Variants in TET3 observed in about 807,000 individuals in gnomAD.
The protein encoded by TET3 is tet methylcytosine dioxygenase 3, also known as methylcytosine dioxygenase TET3.
In TET3, 19 loss-of-function variants were observed where a neutral mutation model predicts 141.4. The observed-to-expected ratio is 0.13, with a 90% confidence interval of 0.09 to 0.20. The LOEUF is 0.20. TET3 is among the 10% of genes least tolerant of loss of function. TET3 has a pLI of 1.00. For missense variants in TET3, 1,874 were observed against 2,356.9 expected (o/e 0.80, Z 4.24); for synonymous variants, 1,043 against 980.9 (o/e 1.06, Z -1.18).
chr2:74,003,043 A>G (rs1684947264), intron 2 of TET3, 67 bp from the exon 3 acceptor site: 8 of 1,527,978 alleles, frequency 5.2e-6, no homozygotes, highest in Non-Finnish European at 7.1e-6. Flanking sequence ...TGGGGGCTGT[A>G]GCAGGAGGAC....
chr2:74,100,786 G>A lies in TET3; in HGVS notation c.3998G>A (p.Gly1333Asp). The change falls in exon 12 of 12, where the codon GGT (glycine) becomes GAT (aspartate). Residue 1333 changes from glycine (G) to aspartate (D), a missense_variant. Around this residue, in one of 10 missense-constraint regions of TET3, gnomAD observed 602 missense variants for 590.2 expected, o/e 1.02. Transcript: ENST00000409262. Reference sequence around the variant, plus strand: ...CACAACAGCCTGAGCCCGGCCTACGGTGGTGCTGAGTTTGCCGAGCTGCCC... The same window carrying A: ...CACAACAGCCTGAGCCCGGCCTACGATGGTGCTGAGTTTGCCGAGCTGCCC... ...ALHNSLSPAY[G>D]GAEFAELPSQ... is the part of the protein sequence containing the mutation. 1.9e-6 allele frequency: 3 copies of A among 1,613,078 alleles called. No homozygotes were observed. The highest frequency in any genetic ancestry group is 1.7e-5 in the Admixed American group (1 of 59,880).
rs745931163 is a variant in TET3 at position 74,102,108 on chromosome 2, G to T, written c.5320G>T (p.Asp1774Tyr). The change falls in exon 12 of 12, where the codon GAC (aspartate) becomes TAC (tyrosine). Residue 1774 changes from aspartate (D) to tyrosine (Y), a missense_variant. Physicochemically the swap from Asp to Tyr is radical, Grantham distance 160. This residue lies in a region of TET3 where 113 missense variants were observed against 114.3 expected (regional missense o/e 0.99). Transcript: ENST00000409262. ...PTRQALAVPTDSAVTVSSYAY... is the reference protein window; with the variant it reads ...PTRQALAVPTYSAVTVSSYAY... ...CCGGCAGGCACTGGCTGTGCCCACAGACTCGGCGGTCACCGTGTCCTCCTA... is the reference window on the plus strand; with the variant it reads ...CCGGCAGGCACTGGCTGTGCCCACATACTCGGCGGTCACCGTGTCCTCCTA... 9.4e-6 allele frequency: 14 copies of T among 1,495,532 alleles called. No individual in the cohort carries two copies. Among genetic ancestry groups the T allele is most frequent in the Middle Eastern group, 3.6e-4 (2 of 5,558 alleles). The allele number at this position is 1,495,532 out of a possible 1,614,324, so 92.6% of individuals were successfully genotyped here.
chr2:74,013,256 A>G (rs1294420007), intron 3 of TET3, among the ~76,000 whole-genome samples: 1 of 151,762 alleles, frequency 6.6e-6, no homozygotes, highest in African/African-American at 2.4e-5. Flanking sequence ...GGCCTCCCAA[A>G]GTGCTGGGAT....
intron 4 of TET3, among the ~76,000 whole-genome samples, chr2:74,062,531 A>G (rs151317851): frequency 4.6e-5 from 7 of 152,344 alleles, no homozygotes; most frequent in Admixed American, 1.3e-4. Context: ...AGCAGAAGTA[A>G]AGGAGGAGGT....
intron 8 of TET3, among the ~76,000 whole-genome samples, 168 bp from the exon 9 acceptor site, chr2:74,092,733 GA>G (rs1690576609): frequency 6.6e-6 from 1 of 152,180 alleles, no homozygotes; most frequent in Non-Finnish European, 1.5e-5. Context: ...CCCCAGCTGT[GA>G]AGTGGACACA....
At chr2:74,092,775 A>G in intron 8 of TET3, 127 bp from the exon 9 acceptor site, 2 of 785,154 alleles carry the variant, frequency 2.5e-6, no homozygotes, top group Non-Finnish European at 4.3e-6. Flanking sequence ...GAAAGGCCAG[A>G]AAGACACCTG....
chr2:74,111,248 G>A (rs1486026323), downstream of TET3, among the ~76,000 whole-genome samples: 2 of 152,092 alleles, frequency 1.3e-5, no homozygotes, highest in African/African-American at 4.8e-5. Flanking sequence ...TTCCTTCAAA[G>A]GACTTGTTCA....
At chr2:74,017,853 C>T (rs1685815909) in intron 3 of TET3, among the ~76,000 whole-genome samples, 1 of 152,122 alleles carries the variant, frequency 6.6e-6, no homozygotes, top group South Asian at 2.1e-4. Flanking sequence ...TACATTCCCA[C>T]CAACAGTCTG....
At chr2:74,088,106 G>C in intron 7 of TET3, 68 bp downstream of exon 7, 1 of 1,479,654 alleles carries the variant, frequency 6.8e-7, no homozygotes, top group East Asian at 2.5e-5. Context: ...ACAGGAGACT[G>C]CAGGCAACCC....
intron 4 of TET3, among the ~76,000 whole-genome samples, chr2:74,057,129 G>A (rs939529815): frequency 6.6e-6 from 1 of 152,124 alleles, no homozygotes; most frequent in Non-Finnish European, 1.5e-5. Flanking sequence ...CAACAGTACC[G>A]AAAAGGCTAT....
rs115883726 is a variant in TET3 at position 74,096,910 on chromosome 2, G to A, written c.3268-2366G>A. On this transcript the variant is annotated intron_variant, in intron 10 of 11. Transcript: ENST00000409262. ...AGTTTGAGACCAGCCTGAGGAATAC[G>A]GCAAAACCCTATCTCTACAAAAAAT... Among the ~76,000 whole-genome samples, 683 of 151,506 alleles carry A rather than the reference G, an allele frequency of 4.5e-3. 3 individuals are homozygous for A. Among genetic ancestry groups the A allele is most frequent in the African/African-American group, 0.015 (626 of 41,308 alleles).
chr2:74,103,292 G>T lies in TET3; in HGVS notation c.*1116G>T, dbSNP rs1196867109. 1 of 152,640 alleles carries T rather than the reference G, an allele frequency of 6.6e-6. No individual in the cohort carries two copies. Among genetic ancestry groups the T allele is most frequent in the African/African-American group, 2.4e-5 (1 of 41,442 alleles). 9.5% of individuals were successfully genotyped at this position (152,640 alleles called of 1,614,324 possible). On this transcript the variant is annotated 3_prime_UTR_variant, in exon 12 of 12. Transcript: ENST00000409262. ...GTGCGGAGCCTGGTGCTGTAGTGTTGTGCTGGGACTTTCTTGACTCTTGGG... is the reference window on the plus strand; with the variant it reads ...GTGCGGAGCCTGGTGCTGTAGTGTTTTGCTGGGACTTTCTTGACTCTTGGG...
chr2:74,086,690 C>T (rs768939070), intron 6 of TET3, among the ~76,000 whole-genome samples: 2 of 149,376 alleles, frequency 1.3e-5, no homozygotes, highest in South Asian at 4.2e-4. Context: ...CTCAAGAAGG[C>T]TGAAGTGGGA....
intron 11 of TET3, 121 bp downstream of exon 11, chr2:74,099,733 A>G: frequency 1.8e-6 from 2 of 1,091,418 alleles, no homozygotes; most frequent in South Asian, 3.4e-5. Flanking sequence ...ATTGTCAGTC[A>G]GAAGGGTATC....
chr2:74,098,210 AC>A (rs1313788886), intron 10 of TET3, among the ~76,000 whole-genome samples: 1 of 152,246 alleles, frequency 6.6e-6, no homozygotes, highest in Non-Finnish European at 1.5e-5. Flanking sequence ...TAAGAATCTT[AC>A]AAAATTTAGC....
At chr2:73,995,550 G>A (rs1049691673) in intron 2 of TET3, among the ~76,000 whole-genome samples, 8 of 152,080 alleles carry the variant, frequency 5.3e-5, no homozygotes, top group East Asian at 3.9e-4. Context: ...AGTTGCCATC[G>A]GCCACAGGTA....
downstream of TET3, among the ~76,000 whole-genome samples, chr2:74,110,813 T>G (rs897527647): frequency 6.6e-6 from 1 of 152,148 alleles, no homozygotes; most frequent in East Asian, 1.9e-4. Context: ...TCACTCTCCA[T>G]GTGCACCCTG....
chr2:74,122,599 G>A, the TET3 span: 2 of 131,266 alleles, frequency 1.5e-5, no homozygotes, highest in African/African-American at 5.8e-5. Flanking sequence ...CTGTAGCCTC[G>A]ACCTCCCAGG....
chr2:74,028,577 T>A lies in TET3; in HGVS notation c.361-17701T>A, dbSNP rs552834211. Among the ~76,000 whole-genome samples the A allele has an allele frequency of 9.8e-5, 15 of 152,336 alleles. No homozygotes were observed. In the South Asian group the frequency reaches 2.7e-3, roughly 27 times the overall value. On this transcript the variant is annotated intron_variant, in intron 3 of 11. Coordinates refer to ENST00000409262, the MANE Select transcript of TET3 (RefSeq NM_001287491.2). ...AGACTGTTCTTTTCCCATTTAATTATCTTAGTGTCTTCTCACTGTTTTGTA... is the reference window on the plus strand; with the variant it reads ...AGACTGTTCTTTTCCCATTTAATTAACTTAGTGTCTTCTCACTGTTTTGTA...
Sources: gnomAD v4.1 joint callset for allele counts (sites outside exome capture counted in the v4.1 genomes callset) on GRCh38, gnomAD v4.1.1 for gene constraint, gnomAD v4.1.1 regional missense constraint, MANE v1.5 for transcripts, NCBI Gene and HGNC (gene_info 2026-07-23, HGNC 2026-07-21) for gene names.